The following CDH13 variants were observed in gnomAD, a reference collection of about 807,000 sequenced individuals.
CDH13 encodes cadherin 13.
CDH13 carries 24 observed loss-of-function variants against 63.8 expected under a neutral mutation model. That is an observed-to-expected ratio of 0.38 (90% CI 0.27 to 0.53). The LOEUF (loss-of-function observed/expected upper bound fraction) is 0.53. Ranked by LOEUF, CDH13 falls within the 20% of genes least tolerant of loss-of-function variation. CDH13 has a pLI of 0.85. For synonymous variants in CDH13, 503 were observed against 355.3 expected (o/e 1.42, Z -4.67); for missense variants, 1,049 against 903.1 (o/e 1.16, Z -2.07).
At chr16:82,781,517 C>G (rs1465266934) in intron 1 of CDH13, among the ~76,000 whole-genome samples, 1 of 152,102 alleles carries the variant, frequency 6.6e-6, no homozygotes, top group Non-Finnish European at 1.5e-5. Context: ...ACCCACTCAC[C>G]CATCTATTCA....
chr16:83,495,815 A>G (rs375871634), intron 7 of CDH13, among the ~76,000 whole-genome samples: 2 of 152,158 alleles, frequency 1.3e-5, no homozygotes, highest in Admixed American at 6.6e-5. Context: ...CAAGTGAAGA[A>G]AAAAGGTCAG....
At chr16:82,819,221 A>G (rs1273929749) in intron 1 of CDH13, among the ~76,000 whole-genome samples, 1 of 152,204 alleles carries the variant, frequency 6.6e-6, no homozygotes, top group African/African-American at 2.4e-5. Context: ...CAATCAATTA[A>G]TTGATCTAAA....
At chr16:83,337,621 ATTTTTTTTTTTTTTTTT>A (rs66957563) in intron 5 of CDH13, among the ~76,000 whole-genome samples, 1 of 52,246 alleles carries the variant, frequency 1.9e-5, no homozygotes, top group Non-Finnish European at 3.2e-5. Flanking sequence ...TGACAAGCGT[ATTTTTTTTTTTTTTTTT>A]TTTTTTTTTT....
intron 11 of CDH13, among the ~76,000 whole-genome samples, chr16:83,765,318 A>G (rs393343): frequency 0.012 from 1,751 of 152,194 alleles, 34 homozygotes; most frequent in African/African-American, 0.036. Context: ...TTTTTCTTTT[A>G]TCTAAAGTCA....
intron 3 of CDH13, among the ~76,000 whole-genome samples, chr16:83,107,502 G>C (rs2034831056): frequency 6.6e-6 from 1 of 152,166 alleles, no homozygotes; most frequent in Non-Finnish European, 1.5e-5. Flanking sequence ...TCCAGTACAG[G>C]ACAAGTTCTG....
intron 5 of CDH13, among the ~76,000 whole-genome samples, chr16:83,311,122 C>T (rs999124441): frequency 1.3e-5 from 2 of 152,200 alleles, no homozygotes; most frequent in Non-Finnish European, 2.9e-5. Context: ...AAAACTCTGC[C>T]ATGTCTGTGA....
intron 1 of CDH13, among the ~76,000 whole-genome samples, chr16:82,832,589 C>G (rs750393645): frequency 2.0e-5 from 2 of 98,690 alleles, no homozygotes; most frequent in Non-Finnish European, 4.0e-5. Flanking sequence ...AAATCATGTG[C>G]AAGATTCCCA....
intron 1 of CDH13, among the ~76,000 whole-genome samples, chr16:82,735,984 GCCAAGCTAGTCAGTCTAGCC>G (rs1739760850): frequency 1.3e-5 from 2 of 152,202 alleles, no homozygotes; most frequent in African/African-American, 4.8e-5. Flanking sequence ...TTTGAATTCA[GCCAAGCTAGTCAGTCTAGCC>G]CTGGGAAAAC....
At position 82,889,072 on chromosome 16, in the gene CDH13, C is replaced by G. The variant is rs73590396; in HGVS notation, c.157+30599C>G. On this transcript the variant is annotated intron_variant, in intron 2 of 13. Coordinates refer to ENST00000567109, the MANE Select transcript of CDH13 (RefSeq NM_001257.5). ...GATAAGCTACTCTGTGAAGCCTTCTCTAATGAATGAGAGTCACTCTTCAAG... is the reference window on the plus strand; with the variant it reads ...GATAAGCTACTCTGTGAAGCCTTCTGTAATGAATGAGAGTCACTCTTCAAG... 3.3e-3 allele frequency among the ~76,000 whole-genome samples: 500 copies of G among 152,294 alleles called. 2 individuals carry two copies. The highest frequency in any genetic ancestry group is 0.012 in the African/African-American group (488 of 41,558).
At chr16:83,732,827 G>A (rs768580555) in intron 10 of CDH13, among the ~76,000 whole-genome samples, 2 of 152,156 alleles carry the variant, frequency 1.3e-5, no homozygotes, top group East Asian at 1.9e-4. Flanking sequence ...TGAAATCCCT[G>A]GGGATATCAA....
intron 2 of CDH13, among the ~76,000 whole-genome samples, chr16:82,948,304 A>G (rs184331871): frequency 1.3e-5 from 2 of 152,176 alleles, no homozygotes; most frequent in Non-Finnish European, 2.9e-5. Flanking sequence ...GATTCTTTAT[A>G]TTCTAAAATT....
At chr16:83,461,234 A>C (rs1487789738) in intron 6 of CDH13, among the ~76,000 whole-genome samples, 2 of 152,164 alleles carry the variant, frequency 1.3e-5, no homozygotes, top group African/African-American at 2.4e-5. Context: ...GTATATGTAC[A>C]TATTCCTATT....
intron 8 of CDH13, among the ~76,000 whole-genome samples, chr16:83,659,906 C>G (rs1382662434): frequency 6.6e-6 from 1 of 151,704 alleles, no homozygotes; most frequent in Non-Finnish European, 1.5e-5. Flanking sequence ...CCTGTCTCAG[C>G]CTCCCAAGTA....
At chr16:83,301,024 G>GTT (rs1567574870) in intron 5 of CDH13, among the ~76,000 whole-genome samples, 29 of 53,980 alleles carry the variant, frequency 5.4e-4, no homozygotes, top group Admixed American at 1.0e-3. Context: ...AACTTTCTGG[G>GTT]GTTTTTTTTT....
chr16:82,666,851 G>A (rs371059726), intron 1 of CDH13, among the ~76,000 whole-genome samples: 3 of 152,246 alleles, frequency 2.0e-5, no homozygotes, highest in African/African-American at 7.2e-5. Flanking sequence ...CCATCCAAAC[G>A]ATGCTATGCC....
chr16:83,130,153 T>C (rs912261051), intron 4 of CDH13, among the ~76,000 whole-genome samples: 10 of 152,208 alleles, frequency 6.6e-5, no homozygotes, highest in South Asian at 4.1e-4. Flanking sequence ...GAGGTGACAA[T>C]ATCAGCACAT....
chr16:83,174,117 C>T, intron 4 of CDH13, among the ~76,000 whole-genome samples: 1 of 152,054 alleles, frequency 6.6e-6, no homozygotes, highest in African/African-American at 2.4e-5. Flanking sequence ...CCTGTGGTAT[C>T]CCTCTGCAAC....
At chr16:83,650,515 C>T (rs996545951) in intron 8 of CDH13, among the ~76,000 whole-genome samples, 8 of 152,186 alleles carry the variant, frequency 5.3e-5, no homozygotes, top group Admixed American at 3.9e-4. Context: ...ACACACACAT[C>T]TTAGCTGGAT....
At chr16:83,200,161 G>C (rs1207975065) in intron 4 of CDH13, among the ~76,000 whole-genome samples, 1 of 152,124 alleles carries the variant, frequency 6.6e-6, no homozygotes, top group African/African-American at 2.4e-5. Context: ...TCTATGTGGT[G>C]CTGATGGTCT....
Sources: allele counts gnomAD v4.1 joint callset (sites outside exome capture counted in the v4.1 genomes callset), GRCh38; gene constraint gnomAD v4.1.1; transcripts MANE v1.5; gene names NCBI Gene and HGNC (gene_info 2026-07-23, HGNC 2026-07-21).